The following RTTN variants were observed in gnomAD, a reference collection of about 807,000 sequenced individuals.
The protein encoded by RTTN is rotatin.
A neutral mutation model predicts 269.2 loss-of-function variants in RTTN; 182 were observed. That is an observed-to-expected ratio of 0.68 (90% CI 0.60 to 0.76). The LOEUF (loss-of-function observed/expected upper bound fraction) is 0.76. Ranked by LOEUF, RTTN falls within the 30% of genes least tolerant of loss-of-function variation. The pLI, the probability that RTTN is intolerant of heterozygous loss-of-function variation, is 0.00. For synonymous variants in RTTN, 1,006 were observed against 963.5 expected, an observed-to-expected ratio of 1.04 and a Z score of -0.82; for missense variants, 2,545 against 2,608.6, an observed-to-expected ratio of 0.98 and a Z score of 0.53.
chr18:70,172,910 C>T (rs575008156), intron 11 of RTTN, among the ~76,000 whole-genome samples: 1 of 152,128 alleles, frequency 6.6e-6, no homozygotes, highest in East Asian at 1.9e-4. Context: ...TGTAGCACCA[C>T]TAATTTTTCA....
At chr18:70,102,408 G>A (rs559709360) in intron 28 of RTTN, among the ~76,000 whole-genome samples, 8 of 151,560 alleles carry the variant, frequency 5.3e-5, no homozygotes, top group African/African-American at 1.9e-4. Flanking sequence ...GCCTTTTTTT[G>A]TTTTCCATTT....
Position 70,048,026 on chromosome 18 carries a change from T to A in RTTN, c.5486A>T (p.Asp1829Val). 6.2e-7 allele frequency: 1 copy of A among 1,614,162 alleles called. No individual in the cohort carries two copies. Among genetic ancestry groups the A allele is most frequent in the Non-Finnish European group, 8.5e-7 (1 of 1,179,992 alleles). ...AGATTTCTGATTTTCCTGAGAGTCA[T>A]CAAGAAGTGAAGCCACTGTTGGACT... ...CCSPTVASLL[D>V]DSQENQKSLE... The change falls in exon 40 of 49, where the codon GAT becomes GTT. Residue 1829 changes from aspartate (D) to valine (V), a missense_variant. Asp to Val is a radical substitution (Grantham distance 152, BLOSUM62 -3). Coordinates refer to ENST00000640769, the MANE Select transcript of RTTN (RefSeq NM_173630.4).
chr18:70,067,378 C>T (rs2058169492), intron 34 of RTTN, among the ~76,000 whole-genome samples: 1 of 152,140 alleles, frequency 6.6e-6, no homozygotes, highest in Non-Finnish European at 1.5e-5. Flanking sequence ...CCAGGATGGT[C>T]TCGATCTCCT....
At chr18:70,126,491 A>G (rs2059868319) in intron 25 of RTTN, among the ~76,000 whole-genome samples, 1 of 152,126 alleles carries the variant, frequency 6.6e-6, no homozygotes, top group South Asian at 2.1e-4. Flanking sequence ...TGTAACATGA[A>G]GTTGTGAAGA....
chr18:70,028,656 C>T, intron 43 of RTTN, 68 bp downstream of exon 43: 2 of 879,390 alleles, frequency 2.3e-6, no homozygotes, highest in African/African-American at 1.7e-5. Context: ...ACTACATTAT[C>T]TCACATAAAA....
chr18:70,085,928 G>A (rs1362230280), intron 32 of RTTN, among the ~76,000 whole-genome samples: 5 of 151,982 alleles, frequency 3.3e-5, no homozygotes, highest in African/African-American at 7.3e-5. Flanking sequence ...CCACCATTAC[G>A]CAATATACTT....
chr18:70,201,341 G>A (rs1353024151), intron 4 of RTTN, among the ~76,000 whole-genome samples: 4 of 152,042 alleles, frequency 2.6e-5, no homozygotes, highest in Non-Finnish European at 4.4e-5. Context: ...GGTGGCTCAC[G>A]CCTGTAATCC....
At chr18:70,104,821 G>C (rs1428284474) in intron 28 of RTTN, among the ~76,000 whole-genome samples, 1 of 151,960 alleles carries the variant, frequency 6.6e-6, no homozygotes, top group South Asian at 2.1e-4. Flanking sequence ...AAATGTTACA[G>C]AACAGCAAAT....
intron 28 of RTTN, among the ~76,000 whole-genome samples, chr18:70,103,762 CAAAA>C (rs71178846): frequency 8.5e-6 from 1 of 118,034 alleles, no homozygotes; most frequent in Admixed American, 9.1e-5. Flanking sequence ...ATAAATACTT[CAAAA>C]AAAAAAAAAA....
intron 26 of RTTN, among the ~76,000 whole-genome samples, chr18:70,119,195 CA>C (rs1233818446): frequency 2.0e-5 from 3 of 151,684 alleles, no homozygotes; most frequent in Admixed American, 6.6e-5. Context: ...TAGACTCCAC[CA>C]AAAAACTTTG....
chr18:70,016,637 G>C (rs2056546337), intron 46 of RTTN, among the ~76,000 whole-genome samples: 1 of 152,060 alleles, frequency 6.6e-6, no homozygotes, highest in Non-Finnish European at 1.5e-5. Context: ...GATTCTTTTT[G>C]CTTCAATTTT....
intron 9 of RTTN, among the ~76,000 whole-genome samples, chr18:70,189,970 T>C (rs998736973): frequency 5.3e-5 from 8 of 152,242 alleles, no homozygotes; most frequent in Non-Finnish European, 4.4e-5. Context: ...AAAATATTTG[T>C]GGCTTTTTTA....
chr18:70,154,754 G>A (rs999928297), intron 14 of RTTN, among the ~76,000 whole-genome samples: 3 of 151,870 alleles, frequency 2.0e-5, no homozygotes, highest in Non-Finnish European at 2.9e-5. Context: ...CCTCCTCCCC[G>A]ACAGCAATGA....
At chr18:70,156,636 G>A (rs1306959017) in intron 14 of RTTN, among the ~76,000 whole-genome samples, 1 of 152,024 alleles carries the variant, frequency 6.6e-6, no homozygotes, top group African/African-American at 2.4e-5. Context: ...TGCAGCTTGT[G>A]GGACATCACG....
At chr18:70,176,598 G>A in intron 11 of RTTN, 77 bp downstream of exon 11, 1 of 1,347,920 alleles carries the variant, frequency 7.4e-7, no homozygotes, top group South Asian at 1.9e-5. Flanking sequence ...ACCATGAAAA[G>A]AGCAGAAGAA....
chr18:70,197,260 T>C (rs933378510), intron 6 of RTTN, among the ~76,000 whole-genome samples: 2 of 152,202 alleles, frequency 1.3e-5, no homozygotes, highest in African/African-American at 4.8e-5. Context: ...GCTACTGTAT[T>C]TTCCCAGCAT....
chr18:70,127,081 T>A (rs1466378073), intron 25 of RTTN, among the ~76,000 whole-genome samples: 1 of 151,986 alleles, frequency 6.6e-6, no homozygotes, highest in Non-Finnish European at 1.5e-5. Flanking sequence ...TTCATGAAAT[T>A]GAGAGTAAAA....
At chr18:70,049,968 A>G (rs1321284704) in intron 39 of RTTN, among the ~76,000 whole-genome samples, 1 of 152,214 alleles carries the variant, frequency 6.6e-6, no homozygotes. Context: ...CAATGTACAT[A>G]TGTCAGAAAG....
rs1004124018 is a variant in RTTN, at chr18:70,063,183, T to A, written c.4747+2646A>T. On this transcript the variant is annotated intron_variant, in intron 35 of 48. Transcript: ENST00000640769. ...TTTGTTATCTATTGCCAAATTCCCT[T>A]CCAAAATTATACTAATTTGCATTTT... Among the ~76,000 whole-genome samples, 11 of 152,172 alleles carry A rather than the reference T, an allele frequency of 7.2e-5. 1 individual carries two copies. The highest frequency in any genetic ancestry group is 1.6e-4 in the Non-Finnish European group (11 of 68,036).
Sources: gnomAD v4.1 joint callset for allele counts (sites outside exome capture counted in the v4.1 genomes callset) on GRCh38, gnomAD v4.1.1 for gene constraint, MANE v1.5 for transcripts, NCBI Gene and HGNC (gene_info 2026-07-23, HGNC 2026-07-21) for gene names.